The following CPN2 variants were observed in gnomAD, a reference collection of about 807,000 sequenced individuals.
CPN2 encodes carboxypeptidase N subunit 2, also known as carboxypeptidase N 83 kDa chain.
For synonymous variants in CPN2, 336 were observed against 318.4 expected (o/e 1.06, Z -0.59); for missense variants, 620 against 671.4 (o/e 0.92, Z 0.85).
intron 1 of CPN2, among the ~76,000 whole-genome samples, chr3:194,346,074 G>A (rs1713034901): frequency 6.6e-6 from 1 of 152,200 alleles, no homozygotes; most frequent in African/African-American, 2.4e-5. Context: ...GTTCCCACCT[G>A]CCAGTTCCCA....
chr3:194,346,911 C>T (rs1444310400), intron 1 of CPN2, among the ~76,000 whole-genome samples: 2 of 152,198 alleles, frequency 1.3e-5, no homozygotes, highest in Non-Finnish European at 2.9e-5. Flanking sequence ...CTCTTTCCTC[C>T]AGCCAAGGGA....
chr3:194,347,150 T>A (rs9816533), intron 1 of CPN2, among the ~76,000 whole-genome samples: 104,751 of 151,698 alleles, frequency 0.69, 36,403 homozygotes, highest in East Asian at 0.81. Context: ...TGCCCACAAA[T>A]ATGTTCCACA....
In CPN2 at chr3:194,341,289, C is replaced by T. The variant is rs776102463; in HGVS notation, c.1414G>A (p.Val472Met). ...TGGCTCCGGGCTGCCCTTTCCTGCA[C>T]AGCCAGATCCCAGCTGCCCCCTGCC... ...SKAGGSWDLAVQERAARSQCT... is the reference protein window; with the variant it reads ...SKAGGSWDLAMQERAARSQCT... The change falls in exon 2 of 2, where the codon GTG becomes ATG. Residue 472 changes from valine to methionine, a missense_variant. Physicochemically the swap from Val to Met is conservative, Grantham distance 21 (BLOSUM62 1). Coordinates refer to ENST00000323830, the MANE Select transcript of CPN2 (RefSeq NM_001080513.4). 1 of 1,613,564 alleles carries T rather than the reference C, an allele frequency of 6.2e-7. No homozygotes were observed. The highest frequency in any genetic ancestry group is 1.1e-5 in the South Asian group (1 of 91,090).
chr3:194,351,120 C>T (rs1195231741), intron 1 of CPN2, 122 bp downstream of exon 1: 1 of 152,288 alleles, frequency 6.6e-6, no homozygotes, highest in African/African-American at 2.4e-5. Context: ...GGCAGGGGCC[C>T]CCCAGAACCG....
chr3:194,341,027 C>T lies in CPN2; in HGVS notation c.*38G>A. The stretch of plus-strand genomic sequence containing the variant: ...CCCCTACCTGTCGCCTGGTCAGGCC[C>T]CAGAGGCCCCCTTCCCCAGCTCCTG... On this transcript the variant is annotated 3_prime_UTR_variant, in exon 2 of 2. Transcript: ENST00000323830. 6.5e-7 allele frequency: 1 copy of T among 1,546,716 alleles called. No individual in the cohort carries two copies. The highest frequency in any genetic ancestry group is 8.7e-7 in the Non-Finnish European group (1 of 1,145,222).
In CPN2 at chr3:194,341,115, C is replaced by A. The variant is rs771396291; in HGVS notation, c.1588G>T (p.Gly530Cys). 1.2e-6 allele frequency: 2 copies of A among 1,611,856 alleles called. No individual in the cohort carries two copies. The highest frequency in any genetic ancestry group is 1.7e-6 in the Non-Finnish European group (2 of 1,178,910). The change falls in exon 2 of 2, where the codon GGT becomes TGT. Residue 530 changes from glycine to cysteine, a missense_variant. Physicochemically the swap from Gly to Cys is radical, Grantham distance 159 (BLOSUM62 -3). Transcript: ENST00000323830. Reference sequence around the variant, plus strand: ...ATAGACACGGTGAGCCGCAGAGAACCGCAGCTCGACCTCAGGTCCCACTCC... The same window carrying A: ...ATAGACACGGTGAGCCGCAGAGAACAGCAGCTCGACCTCAGGTCCCACTCC... ...SQEWDLRSSC[G>C]SLRLTVSIEA...
rs1175247593 is a variant in CPN2 at position 194,341,546 on chromosome 3, T to TTGTA, written c.1153_1156dup (p.Asn386IlefsTer11). 1.9e-6 allele frequency: 3 copies of TTGTA among 1,613,964 alleles called. No individual in the cohort carries two copies. In the African/African-American group the frequency reaches 4.0e-5, roughly 22 times the overall value. Reference sequence around the variant, plus strand: ...ACCGTGCAGGGCCAGGTTGAACAGGTTGTAGTTGGTGTCGAAGATGCCCTC... The same window carrying TTGTA: ...ACCGTGCAGGGCCAGGTTGAACAGGTTGTATGTAGTTGGTGTCGAAGATGCCCTC... On this transcript the variant is annotated frameshift_variant, in exon 2 of 2. Coordinates refer to ENST00000323830, the MANE Select transcript of CPN2 (RefSeq NM_001080513.4). LOFTEE classifies it low-confidence loss of function (END_TRUNC).
intron 1 of CPN2, among the ~76,000 whole-genome samples, chr3:194,346,506 T>C (rs6437378): frequency 0.35 from 52,602 of 152,014 alleles, 9,606 homozygotes; most frequent in Non-Finnish European, 0.4. Flanking sequence ...CGGTCCACTC[T>C]CAGCCCGAGC....
chr3:194,341,728 A>T lies in CPN2; in HGVS notation c.975T>A (p.Ile325=), dbSNP rs1232705438. ...LRSLMLSYNA[I]THLPAGIFRD... ...TGAAGATGCCAGCTGGGAGGTGGGT[A>T]ATGGCATTGTATGAGAGCATGAGGG... The change falls in exon 2 of 2, where the codon ATT becomes ATA. Residue 325 remains isoleucine, a synonymous_variant. Transcript: ENST00000323830. The T allele has an allele frequency of 1.9e-6, 3 of 1,614,104 alleles. No individual in the cohort carries two copies. Among genetic ancestry groups the T allele is most frequent in the Non-Finnish European group, 2.5e-6 (3 of 1,180,014 alleles).
Position 194,340,884 on chromosome 3 carries a change from A to AGAG in CPN2, c.*178_*180dup, listed in dbSNP as rs1283098034. 8 of 927,520 alleles carry AGAG rather than the reference A, an allele frequency of 8.6e-6. No homozygotes were observed. Among genetic ancestry groups the AGAG allele is most frequent in the Non-Finnish European group, 1.1e-5 (7 of 644,258 alleles). The allele number at this position is 927,520 out of a possible 1,614,324, so 57.5% of individuals were successfully genotyped here. A position where few individuals can be genotyped will look rare whatever the true frequency, so the allele number is the denominator to read the frequency against. On this transcript the variant is annotated 3_prime_UTR_variant, in exon 2 of 2. Transcript: ENST00000323830. ...ACACTCCAGGAGAAGCGATGAAGGAAGAGGAGGAGGAGACCCTGGTTAGTG... is the reference window on the plus strand; with the variant it reads ...ACACTCCAGGAGAAGCGATGAAGGAAGAGGAGGAGGAGGAGACCCTGGTTAGTG...
intron 1 of CPN2, among the ~76,000 whole-genome samples, chr3:194,348,564 G>A (rs1027275942): frequency 6.6e-6 from 1 of 152,126 alleles, no homozygotes; most frequent in Non-Finnish European, 1.5e-5. Context: ...CATGCTACTC[G>A]GATGTAATGG....
intron 1 of CPN2, among the ~76,000 whole-genome samples, chr3:194,343,166 CCA>C (rs1194109850): frequency 6.6e-6 from 1 of 152,102 alleles, no homozygotes; most frequent in Non-Finnish European, 1.5e-5. Context: ...CTCCTCCTGC[CCA>C]CCTCTGCCCA....
At chr3:194,347,235 G>T (rs1261772478) in intron 1 of CPN2, among the ~76,000 whole-genome samples, 1 of 151,860 alleles carries the variant, frequency 6.6e-6, no homozygotes, top group East Asian at 1.9e-4. Context: ...GGTTTGGCTG[G>T]GTGCAAATGA....
intron 1 of CPN2, among the ~76,000 whole-genome samples, chr3:194,349,315 C>A (rs149871515): frequency 1.2e-4 from 19 of 152,130 alleles, no homozygotes; most frequent in African/African-American, 4.3e-4. Flanking sequence ...GAGCCGAGAT[C>A]GCACTATTGC....
chr3:194,342,014 G>A lies in CPN2; in HGVS notation c.689C>T (p.Ser230Leu), dbSNP rs1359473481. ...GGAGAACACCTGAGGGGGCAGCTCC[G>A]AGATGTTGTTGCTGTCCAGGAAGAG... ...QELFLDSNNI[S>L]ELPPQVFSQL... The change falls in exon 2 of 2, where the codon TCG becomes TTG. Residue 230 changes from serine to leucine, a missense_variant. Ser to Leu is a moderately radical substitution (Grantham distance 145, BLOSUM62 -2). Coordinates refer to ENST00000323830, the MANE Select transcript of CPN2 (RefSeq NM_001080513.4). The A allele has an allele frequency of 2.1e-5, 34 of 1,614,218 alleles. No individual in the cohort carries two copies. Among genetic ancestry groups the A allele is most frequent in the Non-Finnish European group, 2.6e-5 (31 of 1,180,038 alleles).
rs1206217204 is a variant in CPN2, at chr3:194,339,874, T to C, written c.*1191A>G. The C allele has an allele frequency of 6.6e-6, 1 of 152,172 alleles. No individual in the cohort carries two copies. The allele number at this position is 152,172 out of a possible 1,614,324, so 9.4% of individuals were successfully genotyped here. ...TGCCCAAGGTGGTCGAGGTACAGCTTGGTTTTATACATTTTAGGGAGGAAT... is the reference window on the plus strand; with the variant it reads ...TGCCCAAGGTGGTCGAGGTACAGCTCGGTTTTATACATTTTAGGGAGGAAT... On this transcript the variant is annotated 3_prime_UTR_variant, in exon 2 of 2. Transcript: ENST00000323830.
chr3:194,348,549 T>C (rs900033006), intron 1 of CPN2, among the ~76,000 whole-genome samples: 2 of 152,188 alleles, frequency 1.3e-5, no homozygotes, highest in Non-Finnish European at 2.9e-5. Context: ...ATTGGTTACA[T>C]GAATCATGCT....
intron 1 of CPN2, among the ~76,000 whole-genome samples, chr3:194,349,276 G>A (rs920291065): frequency 4.6e-5 from 7 of 152,146 alleles, no homozygotes; most frequent in Admixed American, 1.3e-4. Context: ...CAGGAGAATC[G>A]CTAGAACCCG....
Position 194,341,812 on chromosome 3 carries a change from G to C in CPN2, c.891C>G (p.Thr297=), listed in dbSNP as rs140809499. The C allele has an allele frequency of 5.8e-5, 93 of 1,613,906 alleles. No individual in the cohort carries two copies. In the African/African-American group the frequency reaches 1.1e-3, roughly 20 times the overall value. The part of the protein sequence containing the change: ...HTPCLVGLSL[T]HNQLETVAEG... ...CAGCGACAGTCTCCAGCTGGTTATG[G>C]GTCAGAGACAGGCCAACCAGGCACG... Residue 297 remains threonine (T), a synonymous_variant, in exon 2 of 2, where the codon ACC becomes ACG. Coordinates refer to ENST00000323830, the MANE Select transcript of CPN2 (RefSeq NM_001080513.4).
Sources: allele counts gnomAD v4.1 joint callset (sites outside exome capture counted in the v4.1 genomes callset), GRCh38; gene constraint gnomAD v4.1.1; transcripts MANE v1.5; gene names NCBI Gene and HGNC (gene_info 2026-07-23, HGNC 2026-07-21).